The following LGMN variants were observed in gnomAD, a reference collection of about 807,000 sequenced individuals.
The protein encoded by LGMN is legumain, also known as asparaginyl endopeptidase.
Under a neutral mutation model 56.8 loss-of-function variants are expected in LGMN, and 36 were observed. The observed-to-expected ratio is 0.63, with a 90% CI of 0.49 to 0.84. The LOEUF is 0.84. LGMN is among the 40% of genes least tolerant of loss of function. The pLI is 0.00. For missense variants in LGMN, 446 were observed against 556.1 expected, an observed-to-expected ratio of 0.80 and a Z score of 1.99; for synonymous variants, 199 against 210.1, an observed-to-expected ratio of 0.95 and a Z score of 0.46.
intron 2 of LGMN, among the ~76,000 whole-genome samples, chr14:92,719,200 A>ACATATATAGGTAAGAAGG (rs1566923836): frequency 1.2e-4 from 14 of 118,114 alleles, no homozygotes; most frequent in African/African-American, 4.9e-4. Context: ...CACCGCCACC[A>ACATATATAGGTAAGAAGG]ACACCACCAC....
chr14:92,729,568 T>C (rs1454478543), intron 2 of LGMN, among the ~76,000 whole-genome samples: 1 of 143,000 alleles, frequency 7.0e-6, no homozygotes, highest in Non-Finnish European at 1.5e-5. Context: ...TTAACAAGTA[T>C]AACACATAGG....
chr14:92,719,314 G>GCCACCA (rs1484863141), intron 2 of LGMN, among the ~76,000 whole-genome samples: 3 of 18,670 alleles, frequency 1.6e-4, no homozygotes, highest in African/African-American at 6.8e-4. Flanking sequence ...CGCCGCCACC[G>GCCACCA]CCGCCGCCGC....
chr14:92,732,895 A>G, intron 1 of LGMN, 80 bp from the exon 2 acceptor site: 1 of 1,148,072 alleles, frequency 8.7e-7, no homozygotes, highest in Non-Finnish European at 1.2e-6. Flanking sequence ...TCACACCTGT[A>G]ATTCCAGCAC....
Position 92,713,901 on chromosome 14 carries a change from A to G in LGMN, c.481-16T>C. On this transcript the variant is annotated splice_polypyrimidine_tract_variant and intron_variant, in intron 6 of 13. Transcript: ENST00000334869. ...TTACATGAAGCTGAAAGGTGAGAAT[A>G]TTGTCAGACCAACACATCAAGAGAA... 1 of 1,593,430 alleles carries G rather than the reference A, an allele frequency of 6.3e-7. No homozygotes were observed. Among genetic ancestry groups the G allele is most frequent in the Non-Finnish European group, 8.6e-7 (1 of 1,161,096 alleles).
At chr14:92,704,855 G>A in intron 12 of LGMN, 148 bp from the exon 13 acceptor site, 1 of 667,182 alleles carries the variant, frequency 1.5e-6, no homozygotes, top group South Asian at 1.6e-5. Context: ...TAGATAATCT[G>A]GTGATATTTA....
chr14:92,735,831 G>C (rs1245598421), intron 1 of LGMN, among the ~76,000 whole-genome samples: 3 of 151,708 alleles, frequency 2.0e-5, no homozygotes, highest in South Asian at 2.1e-4. Context: ...GTAGCGGCTA[G>C]TATGGCACAT....
rs1489725255 is a variant in LGMN, at chr14:92,732,764, A to C, written c.23T>G (p.Phe8Cys). MVWKVAV[F>C]LSVALGIGAV... Reference sequence around the variant, plus strand: ...ACCAATGCCCAGGGCCACACTGAGGAATACAGCTACTTTCCAAACCATTCT... The same window carrying C: ...ACCAATGCCCAGGGCCACACTGAGGCATACAGCTACTTTCCAAACCATTCT... Residue 8 changes from phenylalanine to cysteine, a missense_variant, in exon 2 of 14, where the codon TTC becomes TGC. Physicochemically the swap from Phe to Cys is radical, Grantham distance 205 (BLOSUM62 -2). Transcript: ENST00000334869. The C allele has an allele frequency of 6.2e-7, 1 of 1,614,034 alleles. No homozygotes were observed. Among genetic ancestry groups the C allele is most frequent in the Admixed American group, 1.7e-5 (1 of 59,966 alleles).
intron 1 of LGMN, among the ~76,000 whole-genome samples, chr14:92,748,127 A>G (rs1891898269): frequency 6.6e-6 from 1 of 152,142 alleles, no homozygotes; most frequent in Non-Finnish European, 1.5e-5. Flanking sequence ...CTAGGTCGTA[A>G]AGGCTGGAAC....
At chr14:92,716,493 C>T (rs1384349208) in intron 4 of LGMN, among the ~76,000 whole-genome samples, 1 of 152,152 alleles carries the variant, frequency 6.6e-6, no homozygotes, top group Non-Finnish European at 1.5e-5. Context: ...ATTAGCCAGG[C>T]ATCATGGCAC....
intron 2 of LGMN, among the ~76,000 whole-genome samples, chr14:92,719,263 A>ACCG (rs1187585709): frequency 4.6e-5 from 3 of 65,146 alleles, no homozygotes; most frequent in Non-Finnish European, 8.8e-5. Context: ...CACCACCGCC[A>ACCG]CCGCCGCCGC....
intron 10 of LGMN, 108 bp downstream of exon 10, chr14:92,711,551 G>T: frequency 9.6e-7 from 1 of 1,044,456 alleles, no homozygotes; most frequent in Non-Finnish European, 1.5e-6. Context: ...CCTGCCTCAA[G>T]CATTCCTCAC....
intron 3 of LGMN, among the ~76,000 whole-genome samples, chr14:92,717,873 T>C (rs1456747406): frequency 6.6e-6 from 1 of 152,156 alleles, no homozygotes; most frequent in Non-Finnish European, 1.5e-5. Context: ...GGGTGATGTA[T>C]GAGCTGAGAA....
chr14:92,727,429 CAAAAA>C (rs35889328), intron 2 of LGMN, among the ~76,000 whole-genome samples: 1 of 47,988 alleles, frequency 2.1e-5, no homozygotes, highest in African/African-American at 8.4e-5. Flanking sequence ...GACTGCCTCA[CAAAAA>C]AAAAAAAAAA....
At chr14:92,748,049 C>T (rs1425744297) in intron 1 of LGMN, among the ~76,000 whole-genome samples, 1 of 152,102 alleles carries the variant, frequency 6.6e-6, no homozygotes, top group Non-Finnish European at 1.5e-5. Flanking sequence ...TTTCTGTTGT[C>T]GTCGTTAATA....
chr14:92,713,880 A>C lies in LGMN; in HGVS notation c.486T>G (p.His162Gln), dbSNP rs78137884. The C allele has an allele frequency of 6.2e-7, 1 of 1,610,778 alleles. No homozygotes were observed. The highest frequency in any genetic ancestry group is 1.3e-5 in the African/African-American group (1 of 74,848). Residue 162 changes from histidine to glutamine, a missense_variant, in exon 7 of 14, where the codon CAT (histidine) becomes CAG (glutamine). By Grantham distance (24) the His-to-Gln change is conservative (BLOSUM62 0). Coordinates refer to ENST00000334869, the MANE Select transcript of LGMN (RefSeq NM_005606.7). Reference protein sequence around the residue: ...GILVFPNEDLHVKDLNETIHY... With the variant: ...GILVFPNEDLQVKDLNETIHY... ...GGATGGTCTCATTCAGGTCCTTTAC[A>C]TGAAGCTGAAAGGTGAGAATATTGT...
At chr14:92,709,612 C>A in intron 11 of LGMN, 60 bp downstream of exon 11, 1 of 1,407,484 alleles carries the variant, frequency 7.1e-7, no homozygotes. Flanking sequence ...CGTGCTCATG[C>A]ATGCTGCCCA....
chr14:92,734,111 C>T (rs1031643803), intron 1 of LGMN, among the ~76,000 whole-genome samples: 4 of 152,228 alleles, frequency 2.6e-5, no homozygotes, highest in Non-Finnish European at 5.9e-5. Flanking sequence ...TTCATGTTGT[C>T]TTTGCATCAC....
chr14:92,726,771 T>C (rs1420362535), intron 2 of LGMN, among the ~76,000 whole-genome samples: 1 of 152,074 alleles, frequency 6.6e-6, no homozygotes, highest in African/African-American at 2.4e-5. Flanking sequence ...TGTGGCCACC[T>C]TCCTTTCCAC....
intron 2 of LGMN, among the ~76,000 whole-genome samples, chr14:92,719,269 G>GCCACCGCCGCCA (rs1400244430): frequency 6.4e-5 from 1 of 15,578 alleles, no homozygotes; most frequent in Non-Finnish European, 1.1e-4. Flanking sequence ...CGCCACCGCC[G>GCCACCGCCGCCA]CCGCCGCCAC....
Sources: allele counts gnomAD v4.1 joint callset (sites outside exome capture counted in the v4.1 genomes callset), GRCh38; gene constraint gnomAD v4.1.1; transcripts MANE v1.5; gene names NCBI Gene and HGNC (gene_info 2026-07-23, HGNC 2026-07-21).